Variants in ATXN2 observed in about 807,000 individuals in gnomAD.
The protein encoded by ATXN2 is ataxin-2.
A neutral mutation model predicts 138.6 loss-of-function variants in ATXN2; 37 were observed. The observed-to-expected ratio is 0.27, with a 90% CI of 0.21 to 0.35. The LOEUF (loss-of-function observed/expected upper bound fraction) is 0.35. Among genes scored for constraint, ATXN2 ranks in the 10% least tolerant of loss-of-function variants. The pLI, the probability that ATXN2 is intolerant of heterozygous loss-of-function variation, is 1.00. For synonymous variants in ATXN2, 549 were observed against 543.7 expected, an observed-to-expected ratio of 1.01 and a Z score of -0.13; for missense variants, 1,216 against 1,480.3, an observed-to-expected ratio of 0.82 and a Z score of 2.93.
At chr12:111,508,575 T>C (rs1879320366) in intron 14 of ATXN2, among the ~76,000 whole-genome samples, 1 of 150,056 alleles carries the variant, frequency 6.7e-6, no homozygotes, top group South Asian at 2.1e-4. Flanking sequence ...GCCTGCCAAG[T>C]AGCTGGGATT....
At chr12:111,576,841 C>A (rs911582359) in intron 1 of ATXN2, among the ~76,000 whole-genome samples, 27 of 151,668 alleles carry the variant, frequency 1.8e-4, no homozygotes, top group Non-Finnish European at 3.2e-4. Context: ...TCCTGTAGTC[C>A]CAGCTACTTG....
chr12:111,588,681 C>A (rs1325128494), intron 1 of ATXN2, among the ~76,000 whole-genome samples: 1 of 150,992 alleles, frequency 6.6e-6, no homozygotes, highest in Non-Finnish European at 1.5e-5. Context: ...TCATAAACAA[C>A]CCAGACTCAT....
At chr12:111,509,700 A>G (rs1444257714) in intron 13 of ATXN2, 81 bp from the exon 14 acceptor site, 6 of 977,426 alleles carry the variant, frequency 6.1e-6, no homozygotes, top group African/African-American at 5.0e-5. Flanking sequence ...GATGATAGAA[A>G]TTAGAATAAG....
intron 1 of ATXN2, among the ~76,000 whole-genome samples, chr12:111,573,134 T>G (rs1295474345): frequency 6.6e-6 from 1 of 152,054 alleles, no homozygotes; most frequent in Non-Finnish European, 1.5e-5. Context: ...TTGAAGAAAT[T>G]TTATTGCTGA....
At chr12:111,554,243 T>A in intron 2 of ATXN2, 26 bp from the exon 3 acceptor site, 5 of 1,107,132 alleles carry the variant, frequency 4.5e-6, no homozygotes, top group Non-Finnish European at 6.3e-6. Flanking sequence ...AAAAAAAAAC[T>A]ATTAGAAATT....
In ATXN2 at chr12:111,483,188, AACACATACACACACACAC is replaced by A. The variant is rs1443624989; in HGVS notation, c.2524+2059_2524+2076del. The stretch of plus-strand genomic sequence containing the variant: ...AGCAGCAAAGCAAGACCCTGTATCA[AACACATACACACACACAC>A]ACACACACACACACACACACACACA... On this transcript the variant is annotated intron_variant, in intron 18 of 24. Coordinates refer to ENST00000673436, the MANE Select transcript of ATXN2 (RefSeq NM_001372574.1). 5.3e-4 allele frequency among the ~76,000 whole-genome samples: 63 copies of A among 119,010 alleles called. 1 individual carries two copies. Among genetic ancestry groups the A allele is most frequent in the East Asian group, 2.5e-3 (11 of 4,316 alleles). The allele number at this position is 119,010 out of a possible 152,430, so 78.1% of individuals were successfully genotyped here. A position where few individuals can be genotyped will look rare whatever the true frequency, so the allele number is the denominator to read the frequency against.
Position 111,525,181 on chromosome 12 carries a change from A to G in ATXN2, c.696+11T>C. The stretch of plus-strand genomic sequence containing the variant: ...CCAGAGTCTAGCAATAATTACAAAG[A>G]TGTTACTTACTACGTCATTTTCCAA... On this transcript the variant is annotated intron_variant, in intron 6 of 24. Coordinates refer to ENST00000673436, the MANE Select transcript of ATXN2 (RefSeq NM_001372574.1). 6.2e-7 allele frequency: 1 copy of G among 1,604,562 alleles called. No homozygotes were observed. Among genetic ancestry groups the G allele is most frequent in the South Asian group, 1.1e-5 (1 of 88,930 alleles).
chr12:111,519,018 C>A (rs887819637), intron 8 of ATXN2, among the ~76,000 whole-genome samples: 16 of 152,158 alleles, frequency 1.1e-4, no homozygotes, highest in Non-Finnish European at 1.9e-4. Context: ...CAATTAGCTG[C>A]ACAAACGGAG....
intron 1 of ATXN2, among the ~76,000 whole-genome samples, chr12:111,563,665 G>C (rs181481726): frequency 8.5e-5 from 13 of 152,260 alleles, no homozygotes; most frequent in African/African-American, 2.9e-4. Context: ...ATATATAGGA[G>C]AATTCTTTAT....
At position 111,509,923 on chromosome 12, in the gene ATXN2, G is replaced by A. The variant is rs1879399684; in HGVS notation, c.1832C>T (p.Thr611Ile). 3 of 1,612,762 alleles carry A rather than the reference G, an allele frequency of 1.9e-6. No individual in the cohort carries two copies. Among genetic ancestry groups the A allele is most frequent in the African/African-American group, 1.3e-5 (1 of 74,870 alleles). Residue 611 changes from threonine (T) to isoleucine (I), a missense_variant, in exon 13 of 25, where the codon ACA becomes ATA. Physicochemically the swap from Thr to Ile is moderately conservative, Grantham distance 89 (BLOSUM62 -1). Transcript: ENST00000673436. ...TTCAGCTTTTGAGAAGCTAGGTGAT[G>A]TTTCATTGGGTTTAATATTTTCTTT... ...GNKENIKPNE[T>I]SPSFSKAENK... is the part of the protein sequence containing the mutation.
At chr12:111,507,505 C>T (rs1355660990) in intron 14 of ATXN2, among the ~76,000 whole-genome samples, 1 of 151,496 alleles carries the variant, frequency 6.6e-6, no homozygotes, top group Non-Finnish European at 1.5e-5. Context: ...GGGTCAGCCC[C>T]CGCCCGGCCA....
chr12:111,509,471 C>T lies in ATXN2; in HGVS notation c.1935+78G>A, dbSNP rs189914601. ...TTGATGTTTCTGACTGTATACATAA[C>T]GCATTTTTATAAATAGATAAATCTT... On this transcript the variant is annotated intron_variant, in intron 14 of 24. Coordinates refer to ENST00000673436, the MANE Select transcript of ATXN2 (RefSeq NM_001372574.1). The T allele has an allele frequency of 2.5e-4, 206 of 834,576 alleles. 1 individual carries two copies. In the East Asian group the frequency reaches 4.9e-3, roughly 20 times the overall value. The allele number at this position is 834,576 out of a possible 1,614,324, so 51.7% of individuals were successfully genotyped here.
upstream of ATXN2, chr12:111,599,468 T>C (rs992476955): frequency 1.2e-5 from 14 of 1,212,528 alleles, no homozygotes; most frequent in African/African-American, 3.2e-5. Flanking sequence ...GCGGCGAGAC[T>C]CGGTGGCCAC....
intron 1 of ATXN2, among the ~76,000 whole-genome samples, chr12:111,578,920 T>C (rs981143784): frequency 1.1e-4 from 17 of 151,916 alleles, no homozygotes; most frequent in African/African-American, 4.1e-4. Flanking sequence ...TACATGCCTG[T>C]GGTCCCAGCC....
chr12:111,593,033 C>A (rs1164419425), intron 1 of ATXN2, among the ~76,000 whole-genome samples: 1 of 151,960 alleles, frequency 6.6e-6, no homozygotes, highest in Admixed American at 6.6e-5. Flanking sequence ...GGTGACAGTT[C>A]TAACACGGCT....
chr12:111,473,039 G>C (rs974583048), intron 18 of ATXN2, among the ~76,000 whole-genome samples: 3 of 152,032 alleles, frequency 2.0e-5, no homozygotes, highest in Non-Finnish European at 2.9e-5. Context: ...TTGTGAGGCT[G>C]ACACAGGCAG....
chr12:111,501,506 G>C (rs1048270136), intron 14 of ATXN2, among the ~76,000 whole-genome samples: 1 of 152,168 alleles, frequency 6.6e-6, no homozygotes, highest in Non-Finnish European at 1.5e-5. Flanking sequence ...TTCAGCCTCA[G>C]TATAGGCAAA....
chr12:111,503,724 G>A lies in ATXN2; in HGVS notation c.1935+5825C>T, dbSNP rs373821998. On this transcript the variant is annotated intron_variant, in intron 14 of 24. Transcript: ENST00000673436. Reference sequence around the variant, plus strand: ...CCTGCCTCAGCCTCCTGAGTAGCTGGGATTACAGGCATGTGCCACCATGCC... The same window carrying A: ...CCTGCCTCAGCCTCCTGAGTAGCTGAGATTACAGGCATGTGCCACCATGCC... 2.1e-3 allele frequency among the ~76,000 whole-genome samples: 318 copies of A among 151,764 alleles called. 2 individuals are homozygous for A. Among genetic ancestry groups the A allele is most frequent in the African/African-American group, 7.3e-3 (304 of 41,368 alleles).
chr12:111,597,775 G>T (rs371770854), intron 1 of ATXN2: 3 of 1,054,240 alleles, frequency 2.8e-6, no homozygotes, highest in Middle Eastern at 2.3e-4. Context: ...ACCCGACCAC[G>T]TCCCCTGCTG....
Sources: allele counts gnomAD v4.1 joint callset (sites outside exome capture counted in the v4.1 genomes callset), GRCh38; gene constraint gnomAD v4.1.1; transcripts MANE v1.5; gene names NCBI Gene and HGNC (gene_info 2026-07-23, HGNC 2026-07-21).